The following ZNF805 variants were observed in gnomAD, a reference collection of about 807,000 sequenced individuals.
The protein encoded by ZNF805 is CTC-444N24.8.
In ZNF805, 7 loss-of-function variants were observed where a neutral mutation model predicts 13.6. The ratio of observed to expected loss-of-function variants is 0.51; its 90% CI spans 0.29 to 0.97. ZNF805 has a LOEUF of 0.97. Among genes scored for constraint, ZNF805 ranks in the 50% least tolerant of loss-of-function variants. The pLI, the probability that ZNF805 is intolerant of heterozygous loss-of-function variation, is 0.08. For missense variants in ZNF805, 604 were observed against 771.0 expected, an observed-to-expected ratio of 0.78 and a Z score of 2.57; for synonymous variants, 293 against 279.8, an observed-to-expected ratio of 1.05 and a Z score of -0.47.
At chr19:57,243,748 T>C (rs914423248) in intron 1 of ZNF805, among the ~76,000 whole-genome samples, 175 bp from the exon 2 acceptor site, 1 of 152,196 alleles carries the variant, frequency 6.6e-6, no homozygotes, top group Non-Finnish European at 1.5e-5. Flanking sequence ...GCTTTTCTCT[T>C]TTACATTACA....
chr19:57,250,793 C>T (rs1568489237), intron 3 of ZNF805, among the ~76,000 whole-genome samples: 1 of 152,222 alleles, frequency 6.6e-6, no homozygotes. Flanking sequence ...ACATTCCTCT[C>T]AACCTCTCAT....
chr19:57,248,864 C>G (rs75991111), intron 3 of ZNF805, among the ~76,000 whole-genome samples, 164 bp downstream of exon 3: 1 of 152,174 alleles, frequency 6.6e-6, no homozygotes, highest in Non-Finnish European at 1.5e-5. Flanking sequence ...CCAGCCCCAT[C>G]GCACTTGTCG....
chr19:57,241,825 G>A (rs2087581807), intron 1 of ZNF805, among the ~76,000 whole-genome samples: 1 of 152,144 alleles, frequency 6.6e-6, no homozygotes, highest in African/African-American at 2.4e-5. Flanking sequence ...CATCTTGTTG[G>A]CTCTGCTCAA....
chr19:57,249,251 C>T (rs143098037), intron 3 of ZNF805, among the ~76,000 whole-genome samples: 1 of 152,234 alleles, frequency 6.6e-6, no homozygotes, highest in East Asian at 1.9e-4. Flanking sequence ...TCACATCTCA[C>T]CCATGGGAAC....
intron 2 of ZNF805, among the ~76,000 whole-genome samples, chr19:57,247,170 G>A (rs1568488508): frequency 6.6e-6 from 1 of 152,068 alleles, no homozygotes; most frequent in Non-Finnish European, 1.5e-5. Flanking sequence ...CCACTGCGCT[G>A]CTATATGAAG....
intron 3 of ZNF805, 113 bp from the exon 4 acceptor site, chr19:57,252,960 T>G: frequency 5.2e-6 from 5 of 964,098 alleles, no homozygotes; most frequent in Non-Finnish European, 7.0e-6. Flanking sequence ...TGGCAAAATA[T>G]AACAGACATA....
chr19:57,241,959 AGGTCTTAAAGGATTTTGT>A (rs1215305890), intron 1 of ZNF805, among the ~76,000 whole-genome samples: 1 of 152,348 alleles, frequency 6.6e-6, no homozygotes, highest in African/African-American at 2.4e-5. Flanking sequence ...TACTGAGTTG[AGGTCTTAAAGGATTTTGT>A]GGGGACAAAG....
rs1458147056 is a variant in ZNF805 at position 57,254,060 on chromosome 19, T to C, written c.1241T>C (p.Leu414Pro). 1 of 1,612,780 alleles carries C rather than the reference T, an allele frequency of 6.2e-7. No individual in the cohort carries two copies. The highest frequency in any genetic ancestry group is 8.5e-7 in the Non-Finnish European group (1 of 1,179,642). Residue 414 changes from leucine to proline, a missense_variant, in exon 4 of 4, where the codon CTC becomes CCC. Coordinates refer to ENST00000414468, the MANE Select transcript of ZNF805 (RefSeq NM_001023563.4). ...CGKAFNHRSY[L>P]KRHQRIHTGE... The stretch of plus-strand genomic sequence containing the variant: ...AAGGCTTTCAACCACCGATCCTACC[T>C]CAAAAGGCACCAGCGGATTCACACT...
intron 3 of ZNF805, among the ~76,000 whole-genome samples, chr19:57,250,319 G>A (rs1256648843): frequency 2.6e-5 from 4 of 152,028 alleles, no homozygotes; most frequent in Non-Finnish European, 5.9e-5. Flanking sequence ...CGCAACCTCC[G>A]CCTCCCAGGT....
rs1375534455 is a variant in ZNF805 at position 57,253,097 on chromosome 19, C to T, written c.278C>T (p.Thr93Ile). ...CPGDKGKPKS[T>I]EPTTCELALS... ...GGTGACAAAGGAAAACCCAAGAGCACAGAACCTACCACCTGTGAGCTAGCC... is the reference window on the plus strand; with the variant it reads ...GGTGACAAAGGAAAACCCAAGAGCATAGAACCTACCACCTGTGAGCTAGCC... Residue 93 changes from threonine (T) to isoleucine (I), a missense_variant, in exon 4 of 4, where the codon ACA becomes ATA. This residue lies in a region of ZNF805 where 327 missense variants were observed against 378.2 expected (regional missense o/e 0.86). Transcript: ENST00000414468. This position sits in a 1 kb window ranked among gnomAD's most constrained non-coding sequence, Gnocchi z 4.4. The T allele has an allele frequency of 6.8e-7, 1 of 1,477,914 alleles. No homozygotes were observed. The highest frequency in any genetic ancestry group is 9.0e-7 in the Non-Finnish European group (1 of 1,115,370). The allele number at this position is 1,477,914 out of a possible 1,614,324, so 91.6% of individuals were successfully genotyped here.
chr19:57,249,092 T>TGGGTCAGCAGGGAACTCTGTAC (rs2087636432), intron 3 of ZNF805, among the ~76,000 whole-genome samples: 1 of 152,212 alleles, frequency 6.6e-6, no homozygotes. Context: ...AAGGTCTGTG[T>TGGGTCAGCAGGGAACTCTGTAC]GGGTCAGCAG....
chr19:57,243,463 A>G (rs1474857143), intron 1 of ZNF805, among the ~76,000 whole-genome samples: 1 of 152,200 alleles, frequency 6.6e-6, no homozygotes, highest in Non-Finnish European at 1.5e-5. Flanking sequence ...TGAGGTCACA[A>G]AACTGGCAAG....
rs2087703602 is a variant in ZNF805 at position 57,258,501 on chromosome 19, A to T, written c.*3798A>T. ...TTTGATATATTTGTAGTGTTTTTTA[A>T]ATATATTTCTTTGTATTTTTGTATT... On this transcript the variant is annotated 3_prime_UTR_variant, in exon 4 of 4. Transcript: ENST00000414468. Among the ~76,000 whole-genome samples the T allele has an allele frequency of 1.6e-5, 2 of 125,466 alleles. No individual in the cohort carries two copies. The highest frequency in any genetic ancestry group is 3.0e-5 in the African/African-American group (1 of 33,122). The allele number at this position is 125,466 out of a possible 152,430, so 82.3% of individuals were successfully genotyped here.
chr19:57,253,675 C>T lies in ZNF805; in HGVS notation c.856C>T (p.Pro286Ser). 1.2e-6 allele frequency: 2 copies of T among 1,613,894 alleles called. No homozygotes were observed. Among genetic ancestry groups the T allele is most frequent in the Non-Finnish European group, 1.7e-6 (2 of 1,179,976 alleles). ...QHQRIHSGEK[P>S]YKCSECGKAF... ...CCAGCGGATTCACAGTGGAGAGAAGCCTTATAAGTGCAGTGAATGTGGAAA... is the reference window on the plus strand; with the variant it reads ...CCAGCGGATTCACAGTGGAGAGAAGTCTTATAAGTGCAGTGAATGTGGAAA... The change falls in exon 4 of 4, where the codon CCT (proline) becomes TCT (serine). Residue 286 changes from proline to serine, a missense_variant. Transcript: ENST00000414468. This position sits in a 1 kb window ranked among gnomAD's most constrained non-coding sequence, Gnocchi z 4.4.
At chr19:57,247,952 A>G (rs2087629072) in intron 2 of ZNF805, among the ~76,000 whole-genome samples, 1 of 152,262 alleles carries the variant, frequency 6.6e-6, no homozygotes, top group Admixed American at 6.5e-5. Context: ...CACGCCTGTA[A>G]TCCTAGCACT....
Position 57,260,019 on chromosome 19 carries a change from G to T in ZNF805, c.*5316G>T, listed in dbSNP as rs1289428313. On this transcript the variant is annotated 3_prime_UTR_variant, in exon 4 of 4. Coordinates refer to ENST00000414468, the MANE Select transcript of ZNF805 (RefSeq NM_001023563.4). Reference sequence around the variant, plus strand: ...ATTTCTGTCAACAGATCTTATATCAGGGTGATCTGCATATCATTCAGAGTT... The same window carrying T: ...ATTTCTGTCAACAGATCTTATATCATGGTGATCTGCATATCATTCAGAGTT... Among the ~76,000 whole-genome samples, 1 of 152,128 alleles carries T rather than the reference G, an allele frequency of 6.6e-6. No individual in the cohort carries two copies. Among genetic ancestry groups the T allele is most frequent in the African/African-American group, 2.4e-5 (1 of 41,418 alleles).
chr19:57,252,195 C>T (rs2087656094), intron 3 of ZNF805, among the ~76,000 whole-genome samples: 1 of 152,170 alleles, frequency 6.6e-6, no homozygotes, highest in African/African-American at 2.4e-5. Context: ...GTGGGACTTA[C>T]TTCACTGGGT....
intron 2 of ZNF805, among the ~76,000 whole-genome samples, chr19:57,245,415 T>G (rs10402806): frequency 0.23 from 34,811 of 151,970 alleles, 4,584 homozygotes; most frequent in African/African-American, 0.36. Context: ...TAAGCTAGTG[T>G]TTCTCAAACA....
At position 57,257,506 on chromosome 19, in the gene ZNF805, C is replaced by G. The variant is rs1440756180; in HGVS notation, c.*2803C>G. Reference sequence around the variant, plus strand: ...TGACCCTTTTATAATTAAGTAATGTCCCTTTTTGTTCCTGTTAATACTCTT... The same window carrying G: ...TGACCCTTTTATAATTAAGTAATGTGCCTTTTTGTTCCTGTTAATACTCTT... On this transcript the variant is annotated 3_prime_UTR_variant, in exon 4 of 4. Coordinates refer to ENST00000414468, the MANE Select transcript of ZNF805 (RefSeq NM_001023563.4). Among the ~76,000 whole-genome samples the G allele has an allele frequency of 6.7e-6, 1 of 149,214 alleles. No homozygotes were observed. Among genetic ancestry groups the G allele is most frequent in the Non-Finnish European group, 1.5e-5 (1 of 66,776 alleles).
Sources: gnomAD v4.1 joint callset for allele counts (sites outside exome capture counted in the v4.1 genomes callset) on GRCh38, gnomAD v4.1.1 for gene constraint, gnomAD v4.1.1 regional missense constraint, Gnocchi (gnomAD v3.1) non-coding constraint, MANE v1.5 for transcripts, NCBI Gene and HGNC (gene_info 2026-07-23, HGNC 2026-07-21) for gene names.